The following SRD5A3 variants were observed in gnomAD, a reference collection of about 807,000 sequenced individuals.
The protein encoded by SRD5A3 is polyprenal reductase.
A neutral mutation model predicts 34.3 loss-of-function variants in SRD5A3; 24 were observed. The observed-to-expected ratio is 0.70, with a 90% CI of 0.51 to 0.99. SRD5A3 has a LOEUF of 0.99. Ranked by LOEUF, SRD5A3 falls within the 50% of genes least tolerant of loss-of-function variation. SRD5A3 has a pLI of 0.00. For missense variants in SRD5A3, 350 were observed against 388.2 expected, an observed-to-expected ratio of 0.90 and a Z score of 0.83; for synonymous variants, 161 against 167.3, an observed-to-expected ratio of 0.96 and a Z score of 0.29.
chr4:55,363,303 C>T (rs1008857700), intron 2 of SRD5A3, among the ~76,000 whole-genome samples: 4 of 152,014 alleles, frequency 2.6e-5, no homozygotes, highest in African/African-American at 9.7e-5. Flanking sequence ...GGTGTGGTGG[C>T]ACATGACTAT....
chr4:55,368,396 T>TTTTA (rs57202577), intron 4 of SRD5A3, among the ~76,000 whole-genome samples: 13,979 of 142,842 alleles, frequency 0.098, 794 homozygotes, highest in East Asian at 0.22. Context: ...AATTGAATAG[T>TTTTA]TTTATTTATT....
chr4:55,356,578 G>A (rs1428195122), intron 1 of SRD5A3, among the ~76,000 whole-genome samples: 1 of 152,000 alleles, frequency 6.6e-6, no homozygotes, highest in Admixed American at 6.6e-5. Context: ...GCCTCAGCCT[G>A]AGCCTCCCGA....
intron 2 of SRD5A3, among the ~76,000 whole-genome samples, chr4:55,360,100 A>G (rs1330273823): frequency 6.6e-6 from 1 of 152,056 alleles, no homozygotes; most frequent in Non-Finnish European, 1.5e-5. Flanking sequence ...CTGTAGCCCC[A>G]GCTACTCGGG....
chr4:55,356,850 C>T (rs1014165049), intron 1 of SRD5A3, among the ~76,000 whole-genome samples: 1 of 152,116 alleles, frequency 6.6e-6, no homozygotes, highest in Non-Finnish European at 1.5e-5. Context: ...CCTCACGTCA[C>T]TCATCTGCCC....
chr4:55,353,500 G>T (rs896385415), intron 1 of SRD5A3, among the ~76,000 whole-genome samples: 12 of 152,198 alleles, frequency 7.9e-5, no homozygotes, highest in Non-Finnish European at 1.2e-4. Context: ...GGGAATAAAA[G>T]CTGGCCACCC....
At position 55,363,245 on chromosome 4, in the gene SRD5A3, G is replaced by C. The variant is rs145523719; in HGVS notation, c.365-829G>C. Among the ~76,000 whole-genome samples the C allele has an allele frequency of 2.9e-3, 448 of 152,060 alleles. 2 individuals are homozygous for C. Among genetic ancestry groups the C allele is most frequent in the African/African-American group, 0.01 (427 of 41,516 alleles). ...GCTGGAGGATGGCTTGAGGCCCGGA[G>C]TTCGAGACCAGCCTGGGCAACAAAA... On this transcript the variant is annotated intron_variant, in intron 2 of 4. Transcript: ENST00000264228.
chr4:55,368,879 C>T (rs1434560396), intron 4 of SRD5A3, among the ~76,000 whole-genome samples: 1 of 152,048 alleles, frequency 6.6e-6, no homozygotes, highest in Admixed American at 6.5e-5. Flanking sequence ...GTTGGGATTA[C>T]AGGCGTGTGC....
intron 1 of SRD5A3, among the ~76,000 whole-genome samples, chr4:55,358,429 G>A (rs1719552122): frequency 6.6e-6 from 1 of 151,164 alleles, no homozygotes; most frequent in African/African-American, 2.4e-5. Context: ...CCAGCTACTT[G>A]GAAAGCTGCG....
At chr4:55,360,596 A>G (rs1173815126) in intron 2 of SRD5A3, among the ~76,000 whole-genome samples, 1 of 152,184 alleles carries the variant, frequency 6.6e-6, no homozygotes, top group Non-Finnish European at 1.5e-5. Flanking sequence ...CTTTGGTAGT[A>G]TAATAAAATT....
At chr4:55,358,555 A>AAGAAG (rs1553881762) in intron 1 of SRD5A3, among the ~76,000 whole-genome samples, 1 of 110,192 alleles carries the variant, frequency 9.1e-6, no homozygotes, top group Non-Finnish European at 1.8e-5. Context: ...AAAAAAAAAA[A>AAGAAG]AAGAAGAAGA....
intron 2 of SRD5A3, among the ~76,000 whole-genome samples, chr4:55,362,985 AC>A (rs144983696): frequency 2.4e-4 from 36 of 150,872 alleles, no homozygotes; most frequent in Non-Finnish European, 5.2e-4. Context: ...AGCTGGTTCT[AC>A]AGGCGCACAC....
intron 4 of SRD5A3, 45 bp downstream of exon 4, chr4:55,367,767 G>T (rs1259852916): frequency 6.2e-6 from 10 of 1,612,574 alleles, no homozygotes; most frequent in Non-Finnish European, 8.5e-6. Flanking sequence ...TTAACCCTCA[G>T]AAGTTAGTTC....
chr4:55,357,179 T>C (rs114172755), intron 1 of SRD5A3, among the ~76,000 whole-genome samples: 471 of 152,296 alleles, frequency 3.1e-3, no homozygotes, highest in Middle Eastern at 0.014. Context: ...TTATGCTAGA[T>C]GTCTGCAGGT....
At chr4:55,350,160 C>T (rs1193386590) in intron 1 of SRD5A3, among the ~76,000 whole-genome samples, 1 of 151,844 alleles carries the variant, frequency 6.6e-6, no homozygotes, top group Non-Finnish European at 1.5e-5. Flanking sequence ...ACCTGAGGTC[C>T]GGAGTTGGAG....
At position 55,370,251 on chromosome 4, in the gene SRD5A3, C is replaced by T. The variant is rs1174758665; in HGVS notation, c.*160C>T. ...TCACTGAATGAGCATGGCAGTGCCA[C>T]TCAAGAAAATGAATCTCCAAAGTAT... On this transcript the variant is annotated 3_prime_UTR_variant, in exon 5 of 5. Coordinates refer to ENST00000264228, the MANE Select transcript of SRD5A3 (RefSeq NM_024592.5). 4.4e-6 allele frequency: 4 copies of T among 907,966 alleles called. No homozygotes were observed. The highest frequency in any genetic ancestry group is 6.8e-6 in the Non-Finnish European group (4 of 588,408). 56.2% of individuals were successfully genotyped at this position (907,966 alleles called of 1,614,324 possible).
In SRD5A3 at chr4:55,370,059, C is replaced by G. The variant is rs61733673; in HGVS notation, c.925C>G (p.His309Asp). Residue 309 changes from histidine to aspartate, a missense_variant, in exon 5 of 5, where the codon CAT becomes GAT. Physicochemically the swap from His to Asp is moderately conservative, Grantham distance 81. This residue lies in a region of SRD5A3 where 186 missense variants were observed against 221.4 expected (regional missense o/e 0.84). Transcript: ENST00000264228. ...YKSKFVSYPKHRKAFLPFLF is the reference protein window; with the variant it reads ...YKSKFVSYPKDRKAFLPFLF ...AAGCAAATTTGTCTCTTACCCGAAGCATAGGAAAGCTTTCCTACCATTTTT... is the reference window on the plus strand; with the variant it reads ...AAGCAAATTTGTCTCTTACCCGAAGGATAGGAAAGCTTTCCTACCATTTTT... 2.5e-3 allele frequency: 4,094 copies of G among 1,614,010 alleles called. 97 individuals carry two copies. In the African/African-American group the frequency reaches 0.049, roughly 19 times the overall value.
intron 2 of SRD5A3, among the ~76,000 whole-genome samples, chr4:55,360,214 C>CA (rs11453145): frequency 0.71 from 98,426 of 139,566 alleles, 34,244 homozygotes; most frequent in East Asian, 0.86. Context: ...GACTGTGTTT[C>CA]AAAAAAAAAA....
rs1720184019 is a variant in SRD5A3, at chr4:55,373,077, TAAAG to T, written c.*2989_*2992del. ...GATCACTCAAAATGAGCTGATATAT[TAAAG>T]AAGACCTTAAAACAGTAAATGAGCA... is the stretch of plus-strand genomic sequence containing the variant. On this transcript the variant is annotated 3_prime_UTR_variant, in exon 5 of 5. Transcript: ENST00000264228. 2.0e-5 allele frequency: 3 copies of T among 152,332 alleles called. No individual in the cohort carries two copies. In the South Asian group the frequency reaches 6.2e-4, roughly 32 times the overall value. The allele number at this position is 152,332 out of a possible 1,614,324, so 9.4% of individuals were successfully genotyped here.
Position 55,370,454 on chromosome 4 carries a change from C to T in SRD5A3, c.*363C>T, listed in dbSNP as rs1578214293. The T allele has an allele frequency of 1.6e-4, 51 of 313,936 alleles. 1 individual carries two copies. In the South Asian group the frequency reaches 1.7e-3, roughly 10 times the overall value. The allele number at this position is 313,936 out of a possible 1,614,324, so 19.4% of individuals were successfully genotyped here. A position where few individuals can be genotyped will look rare whatever the true frequency, so the allele number is the denominator to read the frequency against. ...CTTCACACACACACACACACACACA[C>T]ACACACACACACACACACAAAGGAA... On this transcript the variant is annotated 3_prime_UTR_variant, in exon 5 of 5. Transcript: ENST00000264228.
Sources: gnomAD v4.1 joint callset for allele counts (sites outside exome capture counted in the v4.1 genomes callset) on GRCh38, gnomAD v4.1.1 for gene constraint, gnomAD v4.1.1 regional missense constraint, MANE v1.5 for transcripts, NCBI Gene and HGNC (gene_info 2026-07-23, HGNC 2026-07-21) for gene names.